PALLD: variants seen among roughly 807,000 people sequenced by gnomAD.
PALLD encodes the protein palladin, cytoskeletal associated protein.
In PALLD, 61 loss-of-function variants were observed where a neutral mutation model predicts 123.5. That is an observed-to-expected ratio of 0.49 (90% CI 0.40 to 0.61). The LOEUF is 0.61. Ranked by LOEUF, PALLD falls within the 20% of genes least tolerant of loss-of-function variation. The probability of loss-of-function intolerance (pLI) is 0.00; values close to 1 mark genes in which losing one functional copy is unlikely to be tolerated. For synonymous variants in PALLD, 465 were observed against 496.4 expected (o/e 0.94, Z 0.84); for missense variants, 1,273 against 1,377.0 (o/e 0.92, Z 1.20).
chr4:168,849,590 A>C (rs1747434116), intron 10 of PALLD, among the ~76,000 whole-genome samples: 1 of 152,232 alleles, frequency 6.6e-6, no homozygotes, highest in South Asian at 2.1e-4. Flanking sequence ...GAAGGTTTTC[A>C]ATCCAAACCA....
At chr4:168,779,515 A>C (rs1218150180) in intron 10 of PALLD, among the ~76,000 whole-genome samples, 2 of 151,024 alleles carry the variant, frequency 1.3e-5, no homozygotes, top group East Asian at 3.9e-4. Context: ...ATATATATAA[A>C]ATATCATATA....
Position 168,905,333 on chromosome 4 carries a change from A to G in PALLD, c.2622+1427A>G, listed in dbSNP as rs554040643. 2.7e-5 allele frequency among the ~76,000 whole-genome samples: 4 copies of G among 150,938 alleles called. No individual in the cohort carries two copies. The East Asian group carries it at 7.9e-4, about 30-fold the overall frequency. On this transcript the variant is annotated intron_variant, in intron 15 of 21. Transcript: ENST00000505667. ...CGGCTAATTTTTTTTTATTTTTAGT[A>G]GAGATGGGGTTTCACCATGTTAGCC...
rs1561404350 is a variant in PALLD at position 168,690,737 on chromosome 4, A to G, written c.1470A>G (p.Leu490=). 2.5e-6 allele frequency: 4 copies of G among 1,614,174 alleles called. No individual in the cohort carries two copies. The highest frequency in any genetic ancestry group is 1.3e-5 in the African/African-American group (1 of 75,036). The change falls in exon 7 of 22, where the codon CTA becomes CTG. Residue 490 remains leucine (L), a synonymous_variant. Coordinates refer to ENST00000505667, the MANE Select transcript of PALLD (RefSeq NM_001166108.2). The stretch of plus-strand genomic sequence containing the variant: ...AAGACTCTCCAGATTTCCGAATTCT[A>G]CAGAAAAGTAAGGAGAAGTGCCCAT... ...EIQDSPDFRI[L]QKKPRSTAEP...
In PALLD at chr4:168,858,795, A is replaced by AT. The variant is rs755705708; in HGVS notation, c.1965-32125dup. On this transcript the variant is annotated intron_variant, in intron 10 of 21. Transcript: ENST00000505667. ...AGACCCAGTCTCAAAAAAAATAAAA[A>AT]TTAAAAAAAAAAATCCAGAGTGGGC... Among the ~76,000 whole-genome samples the AT allele has an allele frequency of 2.7e-4, 20 of 75,430 alleles. No individual in the cohort carries two copies. The Middle Eastern group carries it at 0.036, about 137-fold the overall frequency. The allele number at this position is 75,430 out of a possible 152,430, so 49.5% of individuals were successfully genotyped here. A position where few individuals can be genotyped will look rare whatever the true frequency, so the allele number is the denominator to read the frequency against.
chr4:168,912,611 C>A (rs1220076252), intron 15 of PALLD, among the ~76,000 whole-genome samples: 1 of 152,108 alleles, frequency 6.6e-6, no homozygotes, highest in African/African-American at 2.4e-5. Flanking sequence ...TTAGTTGACA[C>A]AATGATTATA....
intron 2 of PALLD, among the ~76,000 whole-genome samples, chr4:168,579,287 T>A (rs186281778): frequency 6.6e-6 from 1 of 152,122 alleles, no homozygotes; most frequent in Non-Finnish European, 1.5e-5. Flanking sequence ...TGATGTCTCC[T>A]CCAGAGGGAC....
intron 10 of PALLD, among the ~76,000 whole-genome samples, chr4:168,870,259 T>C (rs867412909): frequency 6.6e-6 from 1 of 152,204 alleles, no homozygotes; most frequent in African/African-American, 2.4e-5. Context: ...TCTAGCCCCA[T>C]AGAAACTATT....
At chr4:168,703,731 C>T (rs1334648190) in intron 8 of PALLD, among the ~76,000 whole-genome samples, 1 of 143,126 alleles carries the variant, frequency 7.0e-6, no homozygotes, top group African/African-American at 2.8e-5. Context: ...CTGTTCATAT[C>T]CTTTGCCCAC....
chr4:168,878,124 A>G, intron 10 of PALLD: 2 of 1,476,144 alleles, frequency 1.4e-6, no homozygotes, highest in Non-Finnish European at 1.8e-6. Flanking sequence ...GCTGAGCCCG[A>G]GGCCCCGTGG....
At chr4:168,648,364 G>GA (rs933302087) in intron 2 of PALLD, 2 of 152,200 alleles carry the variant, frequency 1.3e-5, no homozygotes, top group South Asian at 2.1e-4. Context: ...AATGAAGGGG[G>GA]AAAAATGGGT....
chr4:168,838,871 A>C (rs1745596546), intron 10 of PALLD, among the ~76,000 whole-genome samples: 1 of 151,974 alleles, frequency 6.6e-6, no homozygotes, highest in Admixed American at 6.6e-5. Flanking sequence ...TAGTTCCCAA[A>C]ACAGTACTTG....
chr4:168,525,923 G>A (rs903073384), intron 2 of PALLD, among the ~76,000 whole-genome samples: 17 of 152,214 alleles, frequency 1.1e-4, no homozygotes, highest in Admixed American at 8.5e-4. Flanking sequence ...ATTATATACC[G>A]TATAATATAT....
At chr4:168,596,959 T>C (rs183392261) in intron 2 of PALLD, among the ~76,000 whole-genome samples, 191 of 152,124 alleles carry the variant, frequency 1.3e-3, no homozygotes, top group African/African-American at 3.8e-3. Flanking sequence ...TTGTCATCAA[T>C]TGGTAAATCT....
chr4:168,673,645 C>T (rs1034439994), intron 3 of PALLD, among the ~76,000 whole-genome samples: 6 of 152,062 alleles, frequency 3.9e-5, no homozygotes, highest in Admixed American at 2.0e-4. Context: ...AGGAGAGATG[C>T]GGGTGCCTCA....
intron 2 of PALLD, among the ~76,000 whole-genome samples, chr4:168,656,890 T>C (rs774487300): frequency 2.0e-5 from 3 of 152,196 alleles, no homozygotes; most frequent in Non-Finnish European, 4.4e-5. Flanking sequence ...ATAGCAAATA[T>C]GTTTCAACTC....
At chr4:168,846,494 C>CCGTTATG (rs1243547808) in intron 10 of PALLD, among the ~76,000 whole-genome samples, 1 of 151,996 alleles carries the variant, frequency 6.6e-6, no homozygotes, top group Non-Finnish European at 1.5e-5. Flanking sequence ...TTTTAAACAC[C>CCGTTATG]CGTTATGCGA....
chr4:168,774,565 C>T (rs770006203), intron 10 of PALLD, among the ~76,000 whole-genome samples: 60 of 151,450 alleles, frequency 4.0e-4, no homozygotes, highest in Non-Finnish European at 6.2e-4. Context: ...CTGTCTCTAC[C>T]GAAAATACAA....
chr4:168,841,598 C>G (rs1395550947), intron 10 of PALLD, among the ~76,000 whole-genome samples: 1 of 152,168 alleles, frequency 6.6e-6, no homozygotes, highest in Non-Finnish European at 1.5e-5. Flanking sequence ...GAGTGACAGT[C>G]ATTGTGTTCT....
chr4:168,534,481 A>G (rs1764908765), intron 2 of PALLD, among the ~76,000 whole-genome samples: 1 of 152,232 alleles, frequency 6.6e-6, no homozygotes, highest in African/African-American at 2.4e-5. Context: ...AATCATTTAT[A>G]TTCTCAAGAT....
Sources: gnomAD v4.1 joint callset for allele counts (sites outside exome capture counted in the v4.1 genomes callset) on GRCh38, gnomAD v4.1.1 for gene constraint, MANE v1.5 for transcripts, NCBI Gene and HGNC (gene_info 2026-07-23, HGNC 2026-07-21) for gene names.